CA6: variants seen among roughly 807,000 people sequenced by gnomAD.
CA6 encodes carbonic anhydrase 6.
A neutral mutation model predicts 35.9 loss-of-function variants in CA6; 28 were observed. The ratio of observed to expected loss-of-function variants is 0.78; its 90% CI spans 0.58 to 1.07. The LOEUF is 1.07. Among genes scored for constraint, CA6 ranks in the 50% least tolerant of loss-of-function variants. The pLI, the probability that CA6 is intolerant of heterozygous loss-of-function variation, is 0.00. For missense variants in CA6, 377 were observed against 382.0 expected (o/e 0.99, Z 0.11); for synonymous variants, 148 against 152.6 (o/e 0.97, Z 0.22).
chr1:8,962,250 A>C (rs564601421), intron 4 of CA6, among the ~76,000 whole-genome samples: 15 of 149,766 alleles, frequency 1.0e-4, no homozygotes, highest in South Asian at 8.3e-4. Flanking sequence ...AAAAAAAAAA[A>C]AACTCACAAA....
rs1054092652 is a variant in CA6 at position 8,963,702 on chromosome 1, G to C, written c.571+1046G>C. On this transcript the variant is annotated intron_variant, in intron 5 of 7. Transcript: ENST00000377443. The surrounding 1 kb of genome is among the most constrained non-coding windows in gnomAD (Gnocchi z 4.1). ...GACTACAGGTGCACCACCATGCTTG[G>C]CTGGTTTTTTTGTATTTTCAGTAGA... Among the ~76,000 whole-genome samples the C allele has an allele frequency of 4.4e-5, 4 of 90,152 alleles. No individual in the cohort carries two copies. The highest frequency in any genetic ancestry group is 2.0e-4 in the African/African-American group (3 of 15,148). The allele number at this position is 90,152 out of a possible 152,430, so 59.1% of individuals were successfully genotyped here. A position where few individuals can be genotyped will look rare whatever the true frequency, so the allele number is the denominator to read the frequency against.
intron 6 of CA6, among the ~76,000 whole-genome samples, chr1:8,968,569 T>C (rs1374214086): frequency 6.6e-6 from 1 of 152,104 alleles, no homozygotes; most frequent in East Asian, 1.9e-4. Flanking sequence ...AGTGGAATTA[T>C]CAGACAATTA....
At chr1:8,974,263 C>G in intron 7 of CA6, 1 of 884,306 alleles carries the variant, frequency 1.1e-6, no homozygotes, top group Non-Finnish European at 1.6e-6. Context: ...AATTGAGAAA[C>G]CAAGGTCAGT....
At chr1:8,946,090 T>A (rs1569641827) in intron 1 of CA6, 125 bp downstream of exon 1, 1 of 647,748 alleles carries the variant, frequency 1.5e-6, no homozygotes, top group Non-Finnish European at 2.7e-6. Context: ...CAGGCTTGAG[T>A]ACAGTAGTGT....
chr1:8,973,169 G>A lies in CA6; in HGVS notation c.845-1453G>A, dbSNP rs548719221. Among the ~76,000 whole-genome samples the A allele has an allele frequency of 5.9e-5, 9 of 152,096 alleles. No individual in the cohort carries two copies. The East Asian group carries it at 9.7e-4, about 16-fold the overall frequency. On this transcript the variant is annotated intron_variant, in intron 7 of 7. Coordinates refer to ENST00000377443, the MANE Select transcript of CA6 (RefSeq NM_001215.4). ...CAAGTAGCTGGGATTACAGGCACGC[G>A]CCCCCACGCCAGGCTAATTTTTGTA...
intron 7 of CA6, 106 bp from the exon 8 acceptor site, chr1:8,974,516 C>A: frequency 6.9e-7 from 1 of 1,441,562 alleles, no homozygotes; most frequent in East Asian, 2.4e-5. Flanking sequence ...AATCAAAAGA[C>A]TTCCCAAAAA....
chr1:8,947,811 T>C (rs577663165), intron 1 of CA6, among the ~76,000 whole-genome samples: 1 of 151,656 alleles, frequency 6.6e-6, no homozygotes, highest in Non-Finnish European at 1.5e-5. Flanking sequence ...ATTGCCTTGA[T>C]TACAAACCAA....
Position 8,957,227 on chromosome 1 carries a change from C to T in CA6, c.350C>T (p.Ala117Val), listed in dbSNP as rs772309149. Residue 117 changes from alanine (A) to valine (V), a missense_variant, in exon 3 of 8, where the codon GCG (alanine) becomes GTG (valine). Coordinates refer to ENST00000377443, the MANE Select transcript of CA6 (RefSeq NM_001215.4). ...CAGATGCACTTTCACTGGGGAGGTGCGTCCTCGGAGATCAGCGGCTCTGAG... is the reference window on the plus strand; with the variant it reads ...CAGATGCACTTTCACTGGGGAGGTGTGTCCTCGGAGATCAGCGGCTCTGAG... ...AQQMHFHWGG[A>V]SSEISGSEHT... The T allele has an allele frequency of 6.2e-6, 10 of 1,614,060 alleles. No homozygotes were observed. The highest frequency in any genetic ancestry group is 3.3e-5 in the Admixed American group (2 of 60,002).
chr1:8,947,881 G>A (rs986584173), intron 1 of CA6, among the ~76,000 whole-genome samples: 5 of 144,688 alleles, frequency 3.5e-5, no homozygotes, highest in South Asian at 2.1e-4. Context: ...TTTCACTCTC[G>A]TTGCCCAGGC....
intron 7 of CA6, 138 bp downstream of exon 7, chr1:8,971,119 G>A: frequency 1.5e-6 from 1 of 663,836 alleles, no homozygotes; most frequent in Non-Finnish European, 2.7e-6. Flanking sequence ...GGGCCAAGCT[G>A]CACAGGGCTT....
intron 1 of CA6, among the ~76,000 whole-genome samples, chr1:8,948,899 G>A (rs1390741470): frequency 6.6e-6 from 1 of 151,942 alleles, no homozygotes; most frequent in Non-Finnish European, 1.5e-5. Flanking sequence ...GAATCTGGGA[G>A]GCAGAGGTTG....
chr1:8,953,989 C>T (rs1639609173), intron 2 of CA6, among the ~76,000 whole-genome samples: 1 of 152,188 alleles, frequency 6.6e-6, no homozygotes, highest in South Asian at 2.1e-4. Context: ...CCCACTAGTG[C>T]TATGACAGTT....
chr1:8,967,747 C>G lies in CA6; in HGVS notation c.660C>G (p.Thr220=), dbSNP rs200895576. The change falls in exon 6 of 8, where the codon ACC becomes ACG. Residue 220 remains threonine (T), a synonymous_variant. Coordinates refer to ENST00000377443, the MANE Select transcript of CA6 (RefSeq NM_001215.4). ...ACTACACCTACCATGGCTCACTCAC[C>G]ACGCCTCCCTGCACTGAGAACGTCC... ...QHYYTYHGSL[T]TPPCTENVHW... 2 of 1,614,092 alleles carry G rather than the reference C, an allele frequency of 1.2e-6. No homozygotes were observed. The highest frequency in any genetic ancestry group is 1.7e-6 in the Non-Finnish European group (2 of 1,180,000).
At chr1:8,956,987 G>A in intron 2 of CA6, 150 bp from the exon 3 acceptor site, 2 of 617,052 alleles carry the variant, frequency 3.2e-6, no homozygotes, top group Non-Finnish European at 5.2e-6. Context: ...CTCCTTTGGT[G>A]ACCCTGCCCA....
At chr1:8,951,765 C>G in intron 2 of CA6, 1 of 703,444 alleles carries the variant, frequency 1.4e-6, no homozygotes. Flanking sequence ...CCTCACACGA[C>G]AGCATGTCGG....
chr1:8,949,464 G>T, intron 2 of CA6, 22 bp downstream of exon 2: 2 of 1,602,766 alleles, frequency 1.2e-6, no homozygotes, highest in Non-Finnish European at 1.7e-6. Flanking sequence ...GGGTGGTGAG[G>T]GGCTCCAGTC....
At chr1:8,971,055 C>G (rs775943143) in intron 7 of CA6, 74 bp downstream of exon 7, 13 of 983,484 alleles carry the variant, frequency 1.3e-5, no homozygotes, top group Non-Finnish European at 2.1e-5. Context: ...GTGGACCCAT[C>G]TCTTCTGGTG....
chr1:8,956,555 G>A (rs1037455238), intron 2 of CA6, among the ~76,000 whole-genome samples: 1 of 152,090 alleles, frequency 6.6e-6, no homozygotes. Context: ...AGCTACTCGG[G>A]AGGCTGAGGT....
chr1:8,974,480 C>T, intron 7 of CA6, 142 bp from the exon 8 acceptor site: 1 of 1,486,578 alleles, frequency 6.7e-7, no homozygotes, highest in Non-Finnish European at 9.0e-7. Context: ...AGGCAATGCA[C>T]CGGGCACGTG....
Sources: gnomAD v4.1 joint callset for allele counts (sites outside exome capture counted in the v4.1 genomes callset) on GRCh38, gnomAD v4.1.1 for gene constraint, Gnocchi (gnomAD v3.1) non-coding constraint, MANE v1.5 for transcripts, NCBI Gene and HGNC (gene_info 2026-07-23, HGNC 2026-07-21) for gene names.